Variants in MNAT1 observed in about 807,000 individuals in gnomAD.
The protein encoded by MNAT1 is MNAT1 component of CDK activating kinase.
A neutral mutation model predicts 42.0 loss-of-function variants in MNAT1; 43 were observed. The ratio of observed to expected loss-of-function variants is 1.02; its 90% CI spans 0.80 to 1.32. MNAT1 has a LOEUF of 1.32. Among genes scored for constraint, MNAT1 ranks in the 40% most tolerant of loss-of-function variants. The probability of loss-of-function intolerance (pLI) is 0.00; values close to 1 mark genes in which losing one functional copy is unlikely to be tolerated. For synonymous variants in MNAT1, 118 were observed against 120.0 expected (o/e 0.98, Z 0.11); for missense variants, 306 against 350.4 (o/e 0.87, Z 1.01).
chr14:60,911,644 T>C (rs1308205216), intron 7 of MNAT1, among the ~76,000 whole-genome samples: 1 of 152,242 alleles, frequency 6.6e-6, no homozygotes, highest in African/African-American at 2.4e-5. Context: ...AGTGAGTTTC[T>C]TAATCCTGAG....
chr14:60,763,071 A>G (rs1276713834), intron 1 of MNAT1, among the ~76,000 whole-genome samples: 2 of 152,152 alleles, frequency 1.3e-5, no homozygotes, highest in African/African-American at 2.4e-5. Flanking sequence ...TTCAGCATTG[A>G]AACACTGCAG....
At chr14:60,818,695 C>T in intron 5 of MNAT1, 27 bp from the exon 6 acceptor site, 2 of 1,507,622 alleles carry the variant, frequency 1.3e-6, no homozygotes, top group South Asian at 1.4e-5. Context: ...TTTTACATTT[C>T]TTATTGAACT....
intron 1 of MNAT1, among the ~76,000 whole-genome samples, chr14:60,746,205 G>A (rs1332559696): frequency 6.6e-6 from 1 of 152,072 alleles, no homozygotes; most frequent in Non-Finnish European, 1.5e-5. Flanking sequence ...TAAAATTTGT[G>A]TAATTTAATA....
At position 60,819,720 on chromosome 14, in the gene MNAT1, G is replaced by A. The variant is rs150531527; in HGVS notation, c.687+873G>A. Among the ~76,000 whole-genome samples the A allele has an allele frequency of 5.3e-5, 8 of 152,230 alleles. No homozygotes were observed. In the East Asian group the frequency reaches 1.5e-3, roughly 29 times the overall value. ...CTACAAAGTCATGGTTACGGATTTG[G>A]ACTTTGAATCCAAACAGACCTGAGT... On this transcript the variant is annotated intron_variant, in intron 6 of 7. Coordinates refer to ENST00000261245, the MANE Select transcript of MNAT1 (RefSeq NM_002431.4).
At chr14:60,809,120 A>G (rs1225037039) in intron 4 of MNAT1, 1 of 152,160 alleles carries the variant, frequency 6.6e-6, no homozygotes, top group Non-Finnish European at 1.5e-5. Flanking sequence ...TGTCTAATTT[A>G]TACACTTTAG....
At chr14:60,812,467 G>A (rs893345947) in intron 5 of MNAT1, among the ~76,000 whole-genome samples, 13 of 152,124 alleles carry the variant, frequency 8.5e-5, no homozygotes, top group Non-Finnish European at 1.6e-4. Flanking sequence ...AGATAGGGAC[G>A]GGTACCCAGA....
chr14:60,899,746 A>T (rs2035033645), intron 7 of MNAT1, among the ~76,000 whole-genome samples: 2 of 152,220 alleles, frequency 1.3e-5, no homozygotes, highest in African/African-American at 4.8e-5. Context: ...GGTCCAGTTC[A>T]CAAAAATACA....
At chr14:60,951,976 C>T (rs772304392) in intron 7 of MNAT1, among the ~76,000 whole-genome samples, 16 of 152,142 alleles carry the variant, frequency 1.1e-4, no homozygotes, top group Non-Finnish European at 2.1e-4. Context: ...TCCTTTTCCA[C>T]CCATGCCCCA....
chr14:60,820,536 CT>C lies in MNAT1; in HGVS notation c.687+1704del, dbSNP rs754720202. Among the ~76,000 whole-genome samples, 1,151 of 136,502 alleles carry C rather than the reference CT, an allele frequency of 8.4e-3. 2 individuals are homozygous for C. The highest frequency in any genetic ancestry group is 9.9e-3 in the African/African-American group (370 of 37,416). 89.6% of individuals were successfully genotyped at this position (136,502 alleles called of 152,430 possible). On this transcript the variant is annotated intron_variant, in intron 6 of 7. Coordinates refer to ENST00000261245, the MANE Select transcript of MNAT1 (RefSeq NM_002431.4). ...AGAACTCATCTTAAGTCTTTTGCAA[CT>C]TTTTTTTTTTTTTTCAGTTGCTGAC...
chr14:60,741,246 C>G (rs945852911), intron 1 of MNAT1, among the ~76,000 whole-genome samples: 1 of 152,158 alleles, frequency 6.6e-6, no homozygotes, highest in Non-Finnish European at 1.5e-5. Flanking sequence ...CATGTAATAT[C>G]AGTGGCACAA....
At chr14:60,840,608 G>T (rs1331680935) in intron 6 of MNAT1, among the ~76,000 whole-genome samples, 1 of 152,084 alleles carries the variant, frequency 6.6e-6, no homozygotes, top group Non-Finnish European at 1.5e-5. Context: ...AGTTGTTATT[G>T]AGTTCTAGTT....
At chr14:60,955,088 A>G (rs1244411520) in intron 7 of MNAT1, among the ~76,000 whole-genome samples, 2 of 151,970 alleles carry the variant, frequency 1.3e-5, no homozygotes, top group South Asian at 2.1e-4. Flanking sequence ...TTCTTTTAAT[A>G]TGCTGTTGAT....
At chr14:60,915,546 G>A (rs1000170627) in intron 7 of MNAT1, among the ~76,000 whole-genome samples, 2 of 152,070 alleles carry the variant, frequency 1.3e-5, no homozygotes, top group Non-Finnish European at 2.9e-5. Context: ...CCTATCTAGG[G>A]CTACGGAATA....
intron 4 of MNAT1, among the ~76,000 whole-genome samples, chr14:60,809,499 A>G (rs2032479042): frequency 6.6e-6 from 1 of 152,112 alleles, no homozygotes; most frequent in Non-Finnish European, 1.5e-5. Flanking sequence ...CATGCAAAAT[A>G]GGTATGCGTA....
chr14:60,964,954 CAATTG>C (rs1484181698), intron 7 of MNAT1, among the ~76,000 whole-genome samples: 1 of 152,162 alleles, frequency 6.6e-6, no homozygotes, highest in Non-Finnish European at 1.5e-5. Context: ...TAAAAGCCCA[CAATTG>C]AATAACAAAA....
At chr14:60,958,676 A>AC (rs1472672191) in intron 7 of MNAT1, among the ~76,000 whole-genome samples, 4 of 114,616 alleles carry the variant, frequency 3.5e-5, no homozygotes, top group African/African-American at 1.4e-4. Flanking sequence ...TCGCTCTGTC[A>AC]CCCAGGCTGG....
At chr14:60,786,540 T>C (rs1170877888) in intron 1 of MNAT1, among the ~76,000 whole-genome samples, 3 of 152,176 alleles carry the variant, frequency 2.0e-5, no homozygotes, top group Non-Finnish European at 4.4e-5. Context: ...ACATTTATCA[T>C]ATTAGGAATT....
intron 2 of MNAT1, among the ~76,000 whole-genome samples, chr14:60,797,547 A>G (rs528334842): frequency 1.3e-5 from 2 of 152,070 alleles, no homozygotes; most frequent in South Asian, 2.1e-4. Context: ...ATATTGTACC[A>G]TTTTCTCCTG....
At chr14:60,959,595 C>T (rs1285463796) in intron 7 of MNAT1, among the ~76,000 whole-genome samples, 1 of 152,164 alleles carries the variant, frequency 6.6e-6, no homozygotes, top group African/African-American at 2.4e-5. Flanking sequence ...ATGATAAAGG[C>T]AGAATGAACT....
Sources: allele counts gnomAD v4.1 joint callset (sites outside exome capture counted in the v4.1 genomes callset), GRCh38; gene constraint gnomAD v4.1.1; transcripts MANE v1.5; gene names NCBI Gene and HGNC (gene_info 2026-07-23, HGNC 2026-07-21).